PFKP: variants seen among roughly 807,000 people sequenced by gnomAD.
The protein encoded by PFKP is phosphofructokinase, platelet.
In PFKP, 101 loss-of-function variants were observed where a neutral mutation model predicts 94.3. The observed-to-expected ratio is 1.07, with a 90% CI of 0.91 to 1.26. PFKP has a LOEUF of 1.26. Ranked by LOEUF, PFKP falls within the 50% of genes most tolerant of loss-of-function variation. PFKP has a pLI of 0.00. For synonymous variants in PFKP, 573 were observed against 432.6 expected (o/e 1.32, Z -4.03); for missense variants, 1,145 against 1,103.3 (o/e 1.04, Z -0.53).
At chr10:3,126,316 C>T (rs1837938606) in intron 16 of PFKP, among the ~76,000 whole-genome samples, 1 of 152,242 alleles carries the variant, frequency 6.6e-6, no homozygotes, top group Admixed American at 6.5e-5. Flanking sequence ...CCTGTGTTCC[C>T]CAGTGCTGTG....
chr10:3,094,329 T>G (rs1321081715), intron 2 of PFKP, among the ~76,000 whole-genome samples: 2 of 152,262 alleles, frequency 1.3e-5, no homozygotes, highest in Admixed American at 6.5e-5. Context: ...TACATCATGC[T>G]GTTGCATTAT....
chr10:3,101,990 G>C (rs561578159), intron 4 of PFKP, among the ~76,000 whole-genome samples: 23 of 150,846 alleles, frequency 1.5e-4, no homozygotes, highest in Non-Finnish European at 2.2e-4. Flanking sequence ...GGTGGCTCAC[G>C]CCTGTAATCC....
chr10:3,074,033 T>G (rs1832397829), intron 1 of PFKP, among the ~76,000 whole-genome samples: 1 of 152,162 alleles, frequency 6.6e-6, no homozygotes, highest in Non-Finnish European at 1.5e-5. Context: ...TAGAGATGGG[T>G]TTCACCGTGT....
At chr10:3,108,249 C>A (rs1025669562) in intron 8 of PFKP, among the ~76,000 whole-genome samples, 3 of 152,228 alleles carry the variant, frequency 2.0e-5, no homozygotes, top group African/African-American at 2.4e-5. Context: ...CTCTCCAGAT[C>A]ACCGGGCCGG....
rs544201856 is a variant in PFKP, at chr10:3,129,790, G to A, written c.1684-29G>A. ...GGTGGGCGCGCCCCGGGCCTGGGCT[G>A]GAGTGACTGATCGCTTCTCTGTGAC... On this transcript the variant is annotated intron_variant, in intron 16 of 21. Coordinates refer to ENST00000381125, the MANE Select transcript of PFKP (RefSeq NM_002627.5). 2.5e-6 allele frequency: 4 copies of A among 1,611,762 alleles called. No homozygotes were observed. The South Asian group carries it at 3.3e-5, about 13-fold the overall frequency.
At chr10:3,093,752 T>A (rs1439911623) in intron 2 of PFKP, among the ~76,000 whole-genome samples, 5 of 145,902 alleles carry the variant, frequency 3.4e-5, no homozygotes, top group African/African-American at 1.3e-4. Flanking sequence ...CACGCCATTC[T>A]CCCGCCTCAG....
chr10:3,116,162 TAC>T (rs1237378606), intron 13 of PFKP, among the ~76,000 whole-genome samples: 1 of 151,684 alleles, frequency 6.6e-6, no homozygotes, highest in Non-Finnish European at 1.5e-5. Flanking sequence ...ACACACCTTG[TAC>T]AGTATTTACC....
chr10:3,096,243 C>T (rs1588448290), intron 2 of PFKP, among the ~76,000 whole-genome samples: 1 of 152,144 alleles, frequency 6.6e-6, no homozygotes, highest in East Asian at 1.9e-4. Context: ...TCCAGGAATA[C>T]TCTGAAAGCT....
intron 3 of PFKP, among the ~76,000 whole-genome samples, chr10:3,100,277 G>GCCCTGCTCTGCGCCCCCA (rs1834870695): frequency 1.3e-5 from 2 of 152,120 alleles, no homozygotes; most frequent in Admixed American, 1.3e-4. Context: ...GAGCACCCCT[G>GCCCTGCTCTGCGCCCCCA]CCCTGCTCTG....
chr10:3,086,803 G>A lies in PFKP; in HGVS notation c.186+4342G>A, dbSNP rs554127442. Among the ~76,000 whole-genome samples, 44 of 152,196 alleles carry A rather than the reference G, an allele frequency of 2.9e-4. 1 individual carries two copies. The highest frequency in any genetic ancestry group is 6.8e-3 in the Middle Eastern group (2 of 294). On this transcript the variant is annotated intron_variant, in intron 2 of 21. Coordinates refer to ENST00000381125, the MANE Select transcript of PFKP (RefSeq NM_002627.5). The stretch of plus-strand genomic sequence containing the variant: ...GGGTTGTGTTTTTGTGGCGATTGTC[G>A]GGTGTCTGATTTTTATTGGTCACTG...
chr10:3,071,014 G>A (rs934339917), intron 1 of PFKP, among the ~76,000 whole-genome samples: 3 of 152,070 alleles, frequency 2.0e-5, no homozygotes, highest in African/African-American at 7.2e-5. Flanking sequence ...GCCTCCCAAA[G>A]AGCTGGGACT....
chr10:3,119,077 G>A (rs3829917), intron 15 of PFKP, among the ~76,000 whole-genome samples: 5,308 of 142,896 alleles, frequency 0.037, 228 homozygotes, highest in African/African-American at 0.11. Context: ...CAACTTAACC[G>A]AGAAGCAAAA....
At chr10:3,084,081 A>G (rs996088149) in intron 2 of PFKP, among the ~76,000 whole-genome samples, 13 of 152,206 alleles carry the variant, frequency 8.5e-5, no homozygotes, top group African/African-American at 3.1e-4. Flanking sequence ...TAACACTGCA[A>G]GATCTATGTT....
At position 3,119,747 on chromosome 10, in the gene PFKP, T is replaced by C. The variant is rs537535035; in HGVS notation, c.1531-145T>C. ...TCCTTGTCTGTGGTCTTAAGGCAAC[T>C]GTGTGTTGATCTCGGAGTGTTTTCG... On this transcript the variant is annotated intron_variant, in intron 15 of 21. Coordinates refer to ENST00000381125, the MANE Select transcript of PFKP (RefSeq NM_002627.5). The C allele has an allele frequency of 2.2e-5, 14 of 638,710 alleles. No individual in the cohort carries two copies. The East Asian group carries it at 3.6e-4, about 16-fold the overall frequency. The allele number at this position is 638,710 out of a possible 1,614,324, so 39.6% of individuals were successfully genotyped here.
In PFKP at chr10:3,085,810, A is replaced by ACCCCCTCCC. The variant is rs1440336480; in HGVS notation, c.186+3350_186+3351insCCCCTCCCC. ...ACAGTCCCCCACTCCACTCCCCAGC[A>ACCCCCTCCC]CAGTCCTCCGCCCCCTCCCCAGCAT... is the stretch of plus-strand genomic sequence containing the variant. On this transcript the variant is annotated intron_variant, in intron 2 of 21. Transcript: ENST00000381125. Among the ~76,000 whole-genome samples the ACCCCCTCCC allele has an allele frequency of 2.0e-5, 2 of 102,510 alleles. 1 individual carries two copies. The highest frequency in any genetic ancestry group is 7.8e-5 in the African/African-American group (2 of 25,682). 67.3% of individuals were successfully genotyped at this position (102,510 alleles called of 152,430 possible). A position where few individuals can be genotyped will look rare whatever the true frequency, so the allele number is the denominator to read the frequency against.
rs186380858 is a variant in PFKP, at chr10:3,100,898, G to A, written c.265-467G>A. The A allele has an allele frequency of 3.8e-6, 5 of 1,321,138 alleles. No individual in the cohort carries two copies. The African/African-American group carries it at 6.8e-5, about 18-fold the overall frequency. The allele number at this position is 1,321,138 out of a possible 1,614,324, so 81.8% of individuals were successfully genotyped here. On this transcript the variant is annotated intron_variant, in intron 3 of 21. Transcript: ENST00000381125. The stretch of plus-strand genomic sequence containing the variant: ...AAAAAAAAAATCCCCCTGGCCCCAG[G>A]TTCCTGCTGGTTTTACTTGCAGGTG...
At chr10:3,069,363 G>A (rs749345887) in intron 1 of PFKP, 2 of 1,590,704 alleles carry the variant, frequency 1.3e-6, no homozygotes, top group Non-Finnish European at 1.7e-6. Flanking sequence ...TGGCCCGCGT[G>A]ACTTAAACCG....
intron 1 of PFKP, among the ~76,000 whole-genome samples, chr10:3,068,895 C>T (rs1831949991): frequency 6.6e-6 from 1 of 152,188 alleles, no homozygotes; most frequent in African/African-American, 2.4e-5. Context: ...GGATTTCCTC[C>T]CGTTTCGGGG....
At chr10:3,072,961 C>A (rs1407958255) in intron 1 of PFKP, among the ~76,000 whole-genome samples, 1 of 151,950 alleles carries the variant, frequency 6.6e-6, no homozygotes, top group Non-Finnish European at 1.5e-5. Context: ...TTTCCACAAG[C>A]CCTTTCTGGT....
Sources: allele counts gnomAD v4.1 joint callset (sites outside exome capture counted in the v4.1 genomes callset), GRCh38; gene constraint gnomAD v4.1.1; transcripts MANE v1.5; gene names NCBI Gene and HGNC (gene_info 2026-07-23, HGNC 2026-07-21).